NUP133: variants seen among roughly 807,000 people sequenced by gnomAD.
NUP133 encodes nuclear pore complex protein Nup133.
In NUP133, 66 loss-of-function variants were observed where a neutral mutation model predicts 146.2. The observed-to-expected ratio is 0.45, with a 90% CI of 0.37 to 0.55. NUP133 has a LOEUF of 0.55. NUP133 is among the 20% of genes least tolerant of loss of function. NUP133 has a pLI of 0.00. For synonymous variants in NUP133, 521 were observed against 498.8 expected (o/e 1.04, Z -0.59); for missense variants, 1,277 against 1,374.8 (o/e 0.93, Z 1.12).
At chr1:229,455,363 A>C (rs1472128039) in intron 21 of NUP133, among the ~76,000 whole-genome samples, 1 of 152,150 alleles carries the variant, frequency 6.6e-6, no homozygotes, top group African/African-American at 2.4e-5. Context: ...TTTTGAGACC[A>C]GCCTGGGTAC....
At position 229,496,140 on chromosome 1, in the gene NUP133, A is replaced by G. The variant is rs950121556; in HGVS notation, c.820-93T>C. ...AAAGTCAAATTTCACATATGTGATT[A>G]GTAATCCTAGCAGAATTCTTCATTT... is the stretch of plus-strand genomic sequence containing the variant. On this transcript the variant is annotated intron_variant, in intron 6 of 25. Transcript: ENST00000261396. 8 of 969,538 alleles carry G rather than the reference A, an allele frequency of 8.3e-6. No individual in the cohort carries two copies. In the African/African-American group the frequency reaches 1.4e-4, roughly 16 times the overall value. 60.1% of individuals were successfully genotyped at this position (969,538 alleles called of 1,614,324 possible).
chr1:229,462,745 A>T (rs1169956155), intron 19 of NUP133, among the ~76,000 whole-genome samples: 1 of 151,900 alleles, frequency 6.6e-6, no homozygotes, highest in Non-Finnish European at 1.5e-5. Flanking sequence ...TTGTAAAGGC[A>T]GGGTCTATGT....
chr1:229,494,863 G>T (rs1049379588), intron 8 of NUP133, among the ~76,000 whole-genome samples: 1 of 152,180 alleles, frequency 6.6e-6, no homozygotes, highest in South Asian at 2.1e-4. Flanking sequence ...CACAGCATGG[G>T]GCAGCCACAG....
intron 6 of NUP133, among the ~76,000 whole-genome samples, chr1:229,496,669 G>GA (rs1423879757): frequency 6.6e-6 from 1 of 152,078 alleles, no homozygotes; most frequent in Non-Finnish European, 1.5e-5. Flanking sequence ...TAGAAAAGAA[G>GA]AAAAAATAAG....
chr1:229,475,083 CAG>C (rs1661044184), intron 14 of NUP133, among the ~76,000 whole-genome samples: 1 of 152,092 alleles, frequency 6.6e-6, no homozygotes, highest in Non-Finnish European at 1.5e-5. Flanking sequence ...GACTGGGCAA[CAG>C]AGTGCCCTGT....
rs780181847 is a variant in NUP133, at chr1:229,450,528, A to G, written c.3177T>C (p.Asp1059=). Reference sequence around the variant, plus strand: ...CATCTCAAGCAATTTTACTTACCTCATCAATATATTCCAACAAGTCCAAAG... The same window carrying G: ...CATCTCAAGCAATTTTACTTACCTCGTCAATATATTCCAACAAGTCCAAAG... The part of the protein sequence containing the change: ...KKALDLLEYI[D]EEEDININDL... Residue 1059 remains aspartate (D), a synonymous_variant, in exon 23 of 26, where the codon GAT becomes GAC. Transcript: ENST00000261396. The G allele has an allele frequency of 6.4e-7, 1 of 1,557,174 alleles. No individual in the cohort carries two copies. Among genetic ancestry groups the G allele is most frequent in the South Asian group, 1.2e-5 (1 of 85,874 alleles).
At chr1:229,487,417 G>C in intron 10 of NUP133, 49 bp downstream of exon 10, 1 of 1,567,306 alleles carries the variant, frequency 6.4e-7, no homozygotes, top group Non-Finnish European at 8.6e-7. Flanking sequence ...AAAGCACTCA[G>C]AATGACTAAT....
intron 9 of NUP133, among the ~76,000 whole-genome samples, chr1:229,489,060 C>T (rs1026983157): frequency 6.6e-6 from 1 of 152,184 alleles, no homozygotes; most frequent in Non-Finnish European, 1.5e-5. Flanking sequence ...ATATAATCTT[C>T]CTTTGGGTAA....
chr1:229,445,050 C>G (rs765786386), intron 24 of NUP133, 48 bp from the exon 25 acceptor site: 1 of 1,281,254 alleles, frequency 7.8e-7, no homozygotes, highest in African/African-American at 1.5e-5. Flanking sequence ...ACTGATATAG[C>G]TGAATTAAAT....
intron 21 of NUP133, among the ~76,000 whole-genome samples, chr1:229,456,683 G>A (rs975015637): frequency 3.9e-5 from 6 of 151,964 alleles, no homozygotes; most frequent in Non-Finnish European, 8.8e-5. Context: ...TGTCACTGCA[G>A]AGACAAGAAA....
Position 229,466,700 on chromosome 1 carries a change from C to G in NUP133, c.2133G>C (p.Leu711Phe). Residue 711 changes from leucine (L) to phenylalanine (F), a missense_variant, in exon 16 of 26, where the codon TTG becomes TTC. By Grantham distance (22) the Leu-to-Phe change is conservative. This residue lies in a region of NUP133 where 952 missense variants were observed against 1,047.0 expected (regional missense o/e 0.91). Coordinates refer to ENST00000261396, the MANE Select transcript of NUP133 (RefSeq NM_018230.3). The stretch of plus-strand genomic sequence containing the variant: ...CAATGGAATCCATAGGTGCATCCCT[C>G]AAGACTTGCTCCTCATGCTCCAGTA... ...ECLLEHEEQV[L>F]RDAPMDSIEW... is the part of the protein sequence containing the mutation. 6.2e-7 allele frequency: 1 copy of G among 1,613,784 alleles called. No individual in the cohort carries two copies. Among genetic ancestry groups the G allele is most frequent in the Non-Finnish European group, 8.5e-7 (1 of 1,179,698 alleles).
intron 3 of NUP133, among the ~76,000 whole-genome samples, chr1:229,501,729 C>T (rs868467942): frequency 6.6e-6 from 1 of 152,046 alleles, no homozygotes; most frequent in Admixed American, 6.6e-5. Flanking sequence ...ATTAGGCAGA[C>T]GGATTAGCAT....
intron 9 of NUP133, among the ~76,000 whole-genome samples, chr1:229,488,766 A>G (rs1661427945): frequency 6.6e-6 from 1 of 152,106 alleles, no homozygotes; most frequent in African/African-American, 2.4e-5. Context: ...TGAGACCAGG[A>G]GTTGGAGGCT....
intron 12 of NUP133, among the ~76,000 whole-genome samples, chr1:229,478,675 T>C (rs1221240104): frequency 6.6e-6 from 1 of 152,166 alleles, no homozygotes; most frequent in Non-Finnish European, 1.5e-5. Flanking sequence ...AGGGTGTCAA[T>C]GAACCCACCA....
chr1:229,506,164 GA>G lies in NUP133; in HGVS notation c.183-7del. 1 of 1,535,070 alleles carries G rather than the reference GA, an allele frequency of 6.5e-7. No homozygotes were observed. The highest frequency in any genetic ancestry group is 1.7e-5 in the Admixed American group (1 of 59,094). Reference sequence around the variant, plus strand: ...ACATTCGTGTTGGTGTTCCCCTAAAGAAAAGAGTCTATATTACCTTACTTGT... The same window carrying G: ...ACATTCGTGTTGGTGTTCCCCTAAAGAAAGAGTCTATATTACCTTACTTGT... On this transcript the variant is annotated splice_region_variant and splice_polypyrimidine_tract_variant and intron_variant, in intron 1 of 25. Coordinates refer to ENST00000261396, the MANE Select transcript of NUP133 (RefSeq NM_018230.3).
chr1:229,445,502 T>C (rs1660283983), intron 24 of NUP133, among the ~76,000 whole-genome samples: 1 of 152,162 alleles, frequency 6.6e-6, no homozygotes, highest in Admixed American at 6.5e-5. Flanking sequence ...TACTTTTGTG[T>C]AGAGACAAAG....
chr1:229,470,895 A>C (rs539163265), intron 14 of NUP133, 91 bp from the exon 15 acceptor site: 14 of 1,120,592 alleles, frequency 1.2e-5, no homozygotes, highest in Non-Finnish European at 1.8e-5. Context: ...CACCCTGGGC[A>C]GTCACTGGCC....
rs1258058129 is a variant in NUP133 at position 229,462,058 on chromosome 1, A to G, written c.2686-1289T>C. Among the ~76,000 whole-genome samples, 4 of 152,172 alleles carry G rather than the reference A, an allele frequency of 2.6e-5. No individual in the cohort carries two copies. In the East Asian group the frequency reaches 7.7e-4, roughly 29 times the overall value. ...GCCACCATGACTGGCTAATTTTTGT[A>G]TTTTTAGAAGAGACGGGGTTTTGCC... On this transcript the variant is annotated intron_variant, in intron 19 of 25. Transcript: ENST00000261396.
At chr1:229,476,239 T>C (rs879331696) in intron 13 of NUP133, among the ~76,000 whole-genome samples, 3 of 152,224 alleles carry the variant, frequency 2.0e-5, no homozygotes, top group Non-Finnish European at 4.4e-5. Context: ...ATACAATTCA[T>C]ACTGTATTTA....
Sources: gnomAD v4.1 joint callset for allele counts (sites outside exome capture counted in the v4.1 genomes callset) on GRCh38, gnomAD v4.1.1 for gene constraint, gnomAD v4.1.1 regional missense constraint, MANE v1.5 for transcripts, NCBI Gene and HGNC (gene_info 2026-07-23, HGNC 2026-07-21) for gene names.